The following SLC35F3 variants were observed in gnomAD, a reference collection of about 807,000 sequenced individuals.
SLC35F3 encodes the protein putative thiamine transporter SLC35F3.
In SLC35F3, 25 loss-of-function variants were observed where a neutral mutation model predicts 49.9. That is an observed-to-expected ratio of 0.50 (90% CI 0.37 to 0.70). SLC35F3 has a LOEUF of 0.70. Ranked by LOEUF, SLC35F3 falls within the 30% of genes least tolerant of loss-of-function variation. The probability of loss-of-function intolerance (pLI) is 0.00; values close to 1 mark genes in which losing one functional copy is unlikely to be tolerated. For synonymous variants in SLC35F3, 275 were observed against 265.4 expected (o/e 1.04, Z -0.35); for missense variants, 525 against 639.8 (o/e 0.82, Z 1.94).
In SLC35F3 at chr1:233,957,778, G is replaced by A. The variant is rs956102334; in HGVS notation, c.283+52020G>A. Among the ~76,000 whole-genome samples the A allele has an allele frequency of 6.6e-6, 1 of 152,016 alleles. No homozygotes were observed. Among genetic ancestry groups the A allele is most frequent in the Non-Finnish European group, 1.5e-5 (1 of 68,014 alleles). On this transcript the variant is annotated intron_variant, in intron 2 of 7. Transcript: ENST00000366618. This position sits in a 1 kb window ranked among gnomAD's most constrained non-coding sequence, Gnocchi z 4.0. The stretch of plus-strand genomic sequence containing the variant: ...TGCATTGAGCCGAGACTGCATGATT[G>A]CACTCCACCTAGGGCGACAAAAGCG...
intron 2 of SLC35F3, among the ~76,000 whole-genome samples, chr1:234,102,846 A>G (rs1228454424): frequency 6.6e-6 from 1 of 152,228 alleles, no homozygotes; most frequent in Non-Finnish European, 1.5e-5. Flanking sequence ...GGCAGGAAAC[A>G]CACACAGATG....
intron 2 of SLC35F3, among the ~76,000 whole-genome samples, chr1:234,121,015 C>A (rs1285983490): frequency 6.6e-6 from 1 of 151,130 alleles, no homozygotes; most frequent in Non-Finnish European, 1.5e-5. Context: ...ATCTTAGGAA[C>A]AAACTTTTGA....
intron 2 of SLC35F3, among the ~76,000 whole-genome samples, chr1:234,023,272 A>G (rs1302691393): frequency 1.3e-5 from 2 of 152,192 alleles, no homozygotes; most frequent in Admixed American, 1.3e-4. Flanking sequence ...GAGCTGAGGA[A>G]GAAATATACA....
intron 2 of SLC35F3, among the ~76,000 whole-genome samples, chr1:234,004,633 G>A (rs1218877105): frequency 1.3e-5 from 2 of 151,966 alleles, no homozygotes; most frequent in South Asian, 2.1e-4. Flanking sequence ...TGTACAGAAA[G>A]AAATTACAGA....
At chr1:234,125,764 T>C (rs1665637024) in intron 2 of SLC35F3, among the ~76,000 whole-genome samples, 1 of 152,178 alleles carries the variant, frequency 6.6e-6, no homozygotes, top group Non-Finnish European at 1.5e-5. Context: ...TCACATATTA[T>C]AGTCAAAATT....
At chr1:234,054,710 G>A (rs1345622245) in intron 2 of SLC35F3, among the ~76,000 whole-genome samples, 2 of 152,230 alleles carry the variant, frequency 1.3e-5, no homozygotes, top group African/African-American at 4.8e-5. Flanking sequence ...CTTTGGAGGA[G>A]AAGAGGCGCT....
At chr1:234,170,106 C>T (rs983610386) in intron 2 of SLC35F3, among the ~76,000 whole-genome samples, 1 of 152,166 alleles carries the variant, frequency 6.6e-6, no homozygotes. Context: ...TCTTCTCCAG[C>T]CCCACTCTCT....
At chr1:233,906,134 G>T (rs2102779198) in intron 2 of SLC35F3, among the ~76,000 whole-genome samples, 1 of 152,330 alleles carries the variant, frequency 6.6e-6, no homozygotes, top group East Asian at 1.9e-4. Context: ...CCTCGGTCAG[G>T]TCTCACCAGG....
At chr1:234,203,243 A>G (rs1011324539) in intron 2 of SLC35F3, among the ~76,000 whole-genome samples, 1 of 152,252 alleles carries the variant, frequency 6.6e-6, no homozygotes, top group Non-Finnish European at 1.5e-5. Context: ...AAAAGCACAG[A>G]CTTAAAAGAG....
intron 2 of SLC35F3, among the ~76,000 whole-genome samples, chr1:233,989,482 A>T (rs1198345161): frequency 6.6e-6 from 1 of 152,218 alleles, no homozygotes; most frequent in Non-Finnish European, 1.5e-5. Context: ...TGTGGTACTA[A>T]GCAAATATTA....
At chr1:234,012,226 G>A (rs1038069020) in intron 2 of SLC35F3, among the ~76,000 whole-genome samples, 1 of 152,194 alleles carries the variant, frequency 6.6e-6, no homozygotes, top group East Asian at 1.9e-4. Context: ...CTCGCCTCCC[G>A]CCATAGGGTG....
intron 2 of SLC35F3, among the ~76,000 whole-genome samples, chr1:234,095,180 A>G (rs1665098744): frequency 6.6e-6 from 1 of 152,232 alleles, no homozygotes; most frequent in African/African-American, 2.4e-5. Context: ...AAAATGATCT[A>G]GGCCTAGGAA....
At chr1:234,315,577 G>A (rs1657469336) in intron 4 of SLC35F3, among the ~76,000 whole-genome samples, 1 of 152,170 alleles carries the variant, frequency 6.6e-6, no homozygotes, top group Admixed American at 6.5e-5. Context: ...TCTACTGTGA[G>A]GATAAAAGGA....
chr1:234,269,557 C>G (rs541011495), intron 3 of SLC35F3, among the ~76,000 whole-genome samples: 2 of 152,232 alleles, frequency 1.3e-5, no homozygotes, highest in Admixed American at 1.3e-4. Context: ...AACTGGCACC[C>G]CTTGGTGAGT....
At chr1:234,244,812 G>T (rs922302146) in intron 3 of SLC35F3, among the ~76,000 whole-genome samples, 1 of 152,070 alleles carries the variant, frequency 6.6e-6, no homozygotes, top group Non-Finnish European at 1.5e-5. Context: ...TAGAGGATTT[G>T]TGCATTTAGG....
At chr1:234,228,743 G>A (rs934899318) in intron 2 of SLC35F3, among the ~76,000 whole-genome samples, 1 of 152,194 alleles carries the variant, frequency 6.6e-6, no homozygotes, top group African/African-American at 2.4e-5. Context: ...GTGTGTATGT[G>A]TGTGTGTCTG....
At chr1:234,186,154 G>A (rs1666640620) in intron 2 of SLC35F3, among the ~76,000 whole-genome samples, 1 of 152,218 alleles carries the variant, frequency 6.6e-6, no homozygotes, top group African/African-American at 2.4e-5. Context: ...TCACCCAGCA[G>A]GGCGCAGATT....
At chr1:234,205,849 G>T (rs1433145381) in intron 2 of SLC35F3, among the ~76,000 whole-genome samples, 1 of 152,146 alleles carries the variant, frequency 6.6e-6, no homozygotes, top group East Asian at 1.9e-4. Flanking sequence ...GCAGATAGCA[G>T]AAGACACTCC....
At chr1:233,941,702 G>A (rs1662423396) in intron 2 of SLC35F3, among the ~76,000 whole-genome samples, 1 of 151,814 alleles carries the variant, frequency 6.6e-6, no homozygotes, top group South Asian at 2.1e-4. Flanking sequence ...ATTGCTCAGA[G>A]CATTTATATA....
Sources: allele counts gnomAD v4.1 joint callset (sites outside exome capture counted in the v4.1 genomes callset), GRCh38; gene constraint gnomAD v4.1.1; non-coding constraint Gnocchi (gnomAD v3.1); transcripts MANE v1.5; gene names NCBI Gene and HGNC (gene_info 2026-07-23, HGNC 2026-07-21).